The following PLEKHH2 variants were observed in gnomAD, a reference collection of about 807,000 sequenced individuals.
The protein encoded by PLEKHH2 is pleckstrin homology, MyTH4 and FERM domain containing H2, also known as pleckstrin homology domain-containing family H member 2.
PLEKHH2 carries 129 observed loss-of-function variants against 187.9 expected under a neutral mutation model. The ratio of observed to expected loss-of-function variants is 0.69; its 90% CI spans 0.59 to 0.79. PLEKHH2 has a LOEUF of 0.79. Among genes scored for constraint, PLEKHH2 ranks in the 30% least tolerant of loss-of-function variants. PLEKHH2 has a pLI of 0.00. For synonymous variants in PLEKHH2, 686 were observed against 605.6 expected (o/e 1.13, Z -1.95); for missense variants, 2,076 against 1,751.2 (o/e 1.19, Z -3.31).
At position 43,759,035 on chromosome 2, in the gene PLEKHH2, A is replaced by T; in HGVS notation, c.4071+6A>T. 6.2e-7 allele frequency: 1 copy of T among 1,611,484 alleles called. No individual in the cohort carries two copies. The highest frequency in any genetic ancestry group is 8.5e-7 in the Non-Finnish European group (1 of 1,178,110). On this transcript the variant is annotated splice_donor_region_variant and intron_variant, in intron 27 of 29. Coordinates refer to ENST00000282406, the MANE Select transcript of PLEKHH2 (RefSeq NM_172069.4). ...CCAAGTTGTTTCTTGCAAAAGTAAGAAAGAATGGGAGAGAGATGCATAATG... is the reference window on the plus strand; with the variant it reads ...CCAAGTTGTTTCTTGCAAAAGTAAGTAAGAATGGGAGAGAGATGCATAATG...
At chr2:43,728,622 C>T (rs113306217) in intron 17 of PLEKHH2, among the ~76,000 whole-genome samples, 5 of 145,638 alleles carry the variant, frequency 3.4e-5, no homozygotes, top group Non-Finnish European at 3.0e-5. Flanking sequence ...AGTGCAGTGG[C>T]GTGATCTCGG....
Position 43,678,945 on chromosome 2 carries a change from T to G in PLEKHH2, c.186+20T>G. On this transcript the variant is annotated intron_variant, in intron 3 of 29. Transcript: ENST00000282406. Reference sequence around the variant, plus strand: ...CAACAGGTAGAGTATAATTTTACTTTAAATTTTTTTTGCCTGTACTACTCA... The same window carrying G: ...CAACAGGTAGAGTATAATTTTACTTGAAATTTTTTTTGCCTGTACTACTCA... The G allele has an allele frequency of 6.3e-7, 1 of 1,582,244 alleles. No individual in the cohort carries two copies. Among genetic ancestry groups the G allele is most frequent in the Non-Finnish European group, 8.6e-7 (1 of 1,156,490 alleles).
intron 8 of PLEKHH2, among the ~76,000 whole-genome samples, chr2:43,700,825 T>C (rs1669328496): frequency 6.6e-6 from 1 of 152,152 alleles, no homozygotes; most frequent in South Asian, 2.1e-4. Flanking sequence ...AATTTTTGTA[T>C]TTTTGGTAGA....
chr2:43,722,440 C>T (rs755150487), intron 16 of PLEKHH2, among the ~76,000 whole-genome samples: 49 of 152,032 alleles, frequency 3.2e-4, no homozygotes, highest in Non-Finnish European at 6.3e-4. Flanking sequence ...AGCTGGTCCT[C>T]GAGGCTTCAC....
intron 2 of PLEKHH2, chr2:43,675,516 T>C (rs1430883877): frequency 6.2e-7 from 1 of 1,614,036 alleles, no homozygotes; most frequent in Non-Finnish European, 8.5e-7. Context: ...TAGCCATATC[T>C]GAACAGCAGC....
chr2:43,658,488 C>A (rs995929791), intron 2 of PLEKHH2, among the ~76,000 whole-genome samples: 3 of 152,192 alleles, frequency 2.0e-5, no homozygotes, highest in African/African-American at 7.2e-5. Flanking sequence ...TTGGAAGCAA[C>A]TTAGCTTATG....
chr2:43,750,263 G>A (rs1323205289), intron 24 of PLEKHH2, among the ~76,000 whole-genome samples: 1 of 152,210 alleles, frequency 6.6e-6, no homozygotes, highest in African/African-American at 2.4e-5. Context: ...CCTGAGGTGA[G>A]GAGTTCAAGA....
At chr2:43,680,316 T>G (rs1668103777) in intron 3 of PLEKHH2, 1 of 152,250 alleles carries the variant, frequency 6.6e-6, no homozygotes, top group African/African-American at 2.4e-5. Flanking sequence ...ATGTTTGAGG[T>G]GCTGGACATG....
intron 2 of PLEKHH2, among the ~76,000 whole-genome samples, chr2:43,659,099 A>T (rs1424314988): frequency 6.7e-6 from 1 of 150,064 alleles, no homozygotes; most frequent in Non-Finnish European, 1.5e-5. Context: ...CAGTCTCCTG[A>T]GTAGATGGGA....
chr2:43,715,962 T>C (rs916927237), intron 15 of PLEKHH2, among the ~76,000 whole-genome samples: 1 of 152,062 alleles, frequency 6.6e-6, no homozygotes, highest in Non-Finnish European at 1.5e-5. Flanking sequence ...AGTAAGGAGA[T>C]GTGTGCAGAG....
rs539464366 is a variant in PLEKHH2, at chr2:43,692,621, A to G, written c.294A>G (p.Lys98=). 1.3e-5 allele frequency: 21 copies of G among 1,613,440 alleles called. No homozygotes were observed. The South Asian group carries it at 2.0e-4, about 15-fold the overall frequency. The stretch of plus-strand genomic sequence containing the variant: ...ATCTGGAGTCGCTAATACAGGAAAA[A>G]GATGACGTCATTCAAAACTTGGAAT... ...CQDLESLIQE[K]DDVIQNLELQ... is the part of the protein sequence containing the mutation. The change falls in exon 4 of 30, where the codon AAA becomes AAG. Residue 98 remains lysine, a synonymous_variant. Coordinates refer to ENST00000282406, the MANE Select transcript of PLEKHH2 (RefSeq NM_172069.4).
In PLEKHH2 at chr2:43,695,177, A is replaced by G. The variant is rs753775265; in HGVS notation, c.455A>G (p.Asn152Ser). ...GAGAATCAGAATCTTCGTTTGATCAACCAAAACCAAACTGAAGAGATAAGA... is the reference window on the plus strand; with the variant it reads ...GAGAATCAGAATCTTCGTTTGATCAGCCAAAACCAAACTGAAGAGATAAGA... ...ELENQNLRLI[N>S]QNQTEEIRTM... Residue 152 changes from asparagine (N) to serine (S), a missense_variant, in exon 6 of 30, where the codon AAC becomes AGC. Physicochemically the swap from Asn to Ser is conservative, Grantham distance 46. Coordinates refer to ENST00000282406, the MANE Select transcript of PLEKHH2 (RefSeq NM_172069.4). 2 of 1,600,574 alleles carry G rather than the reference A, an allele frequency of 1.2e-6. No homozygotes were observed. Among genetic ancestry groups the G allele is most frequent in the Non-Finnish European group, 1.7e-6 (2 of 1,171,604 alleles).
At chr2:43,757,076 A>G (rs748861378) in intron 25 of PLEKHH2, 43 bp from the exon 26 acceptor site, 1 of 1,438,000 alleles carries the variant, frequency 7.0e-7, no homozygotes. Context: ...TCTGTCTTAA[A>G]ACTCTTTTCA....
intron 2 of PLEKHH2, among the ~76,000 whole-genome samples, chr2:43,650,817 T>C (rs922391621): frequency 8.6e-5 from 13 of 151,864 alleles, no homozygotes; most frequent in Non-Finnish European, 1.6e-4. Flanking sequence ...GGCTAATTTT[T>C]TGTATTTTTA....
intron 2 of PLEKHH2, among the ~76,000 whole-genome samples, chr2:43,649,163 G>C (rs970346035): frequency 6.6e-6 from 1 of 152,162 alleles, no homozygotes; most frequent in African/African-American, 2.4e-5. Flanking sequence ...GAGGTCTTTA[G>C]AGGAATTTAA....
chr2:43,693,740 A>AT, intron 4 of PLEKHH2, among the ~76,000 whole-genome samples: 2 of 146,584 alleles, frequency 1.4e-5, no homozygotes, highest in South Asian at 4.3e-4. Context: ...AAAAAAAAAA[A>AT]GGAAAAAATT....
intron 2 of PLEKHH2, among the ~76,000 whole-genome samples, chr2:43,676,495 C>T (rs1667800227): frequency 6.6e-6 from 1 of 151,534 alleles, no homozygotes; most frequent in Admixed American, 6.6e-5. Flanking sequence ...ACGCGGCGGC[C>T]ACTGCGGGTG....
chr2:43,709,398 CA>C (rs1215577159), intron 11 of PLEKHH2, among the ~76,000 whole-genome samples: 2 of 152,034 alleles, frequency 1.3e-5, no homozygotes, highest in African/African-American at 4.8e-5. Context: ...GCCTATATGT[CA>C]ATGTGTAAAT....
intron 2 of PLEKHH2, among the ~76,000 whole-genome samples, chr2:43,654,564 CTTTTT>C (rs35454431): frequency 4.0e-5 from 5 of 126,462 alleles, no homozygotes; most frequent in Non-Finnish European, 3.2e-5. Context: ...AACTCCTTAA[CTTTTT>C]TTTTTTTTTT....
Sources: allele counts gnomAD v4.1 joint callset (sites outside exome capture counted in the v4.1 genomes callset), GRCh38; gene constraint gnomAD v4.1.1; transcripts MANE v1.5; gene names NCBI Gene and HGNC (gene_info 2026-07-23, HGNC 2026-07-21).